The following AGPAT3 variants were observed in gnomAD, a reference collection of about 807,000 sequenced individuals.
AGPAT3 encodes 1-acylglycerol-3-phosphate O-acyltransferase 3.
In AGPAT3, 5 loss-of-function variants were observed where a neutral mutation model predicts 47.3. The ratio of observed to expected loss-of-function variants is 0.11; its 90% CI spans 0.06 to 0.22. The LOEUF (loss-of-function observed/expected upper bound fraction) is 0.22. Among genes scored for constraint, AGPAT3 ranks in the 10% least tolerant of loss-of-function variants. The pLI is 1.00. For missense variants in AGPAT3, 315 were observed against 493.0 expected (o/e 0.64, Z 3.42); for synonymous variants, 212 against 208.3 (o/e 1.02, Z -0.15).
intron 2 of AGPAT3, among the ~76,000 whole-genome samples, chr21:43,938,140 A>T (rs543216653): frequency 2.7e-5 from 4 of 150,772 alleles, no homozygotes; most frequent in Non-Finnish European, 4.4e-5. Context: ...ACACACACAC[A>T]CTCACACTCA....
rs1051612237 is a variant in AGPAT3 at position 43,985,059 on chromosome 21, C to T, written c.*2667C>T. On this transcript the variant is annotated 3_prime_UTR_variant, in exon 10 of 10. Transcript: ENST00000291572. ...AGGCGCCACACTGGAGGCTCCCAGG[C>T]GGGAGGGCCCAGGCCCACCCACGGG... is the stretch of plus-strand genomic sequence containing the variant. 1.5e-5 allele frequency: 7 copies of T among 453,128 alleles called. No individual in the cohort carries two copies. The highest frequency in any genetic ancestry group is 1.2e-4 in the Admixed American group (5 of 42,282). 28.1% of individuals were successfully genotyped at this position (453,128 alleles called of 1,614,324 possible).
At chr21:43,968,225 C>T in intron 4 of AGPAT3, 110 bp downstream of exon 4, 3 of 517,938 alleles carry the variant, frequency 5.8e-6, no homozygotes, top group Middle Eastern at 8.2e-4. Flanking sequence ...CCCTGCAGGG[C>T]TGGGGGTGGG....
Position 43,959,786 on chromosome 21 carries a change from G to T in AGPAT3, c.105G>T (p.Thr35=), listed in dbSNP as rs748676164. ...TCATCAACTTCGTCCAGCTGTGCAC[G>T]CTGGCGCTCTGGCCGGTCAGCAAGC... The part of the protein sequence containing the change: ...GLVINFVQLC[T]LALWPVSKQL... Residue 35 remains threonine (T), a synonymous_variant, in exon 3 of 10, where the codon ACG becomes ACT. Coordinates refer to ENST00000291572, the MANE Select transcript of AGPAT3 (RefSeq NM_020132.5). 2 of 1,613,512 alleles carry T rather than the reference G, an allele frequency of 1.2e-6. No homozygotes were observed. Among genetic ancestry groups the T allele is most frequent in the Admixed American group, 3.3e-5 (2 of 60,020 alleles).
At chr21:43,909,506 C>T (rs2086584077) in intron 2 of AGPAT3, among the ~76,000 whole-genome samples, 1 of 152,128 alleles carries the variant, frequency 6.6e-6, no homozygotes. Context: ...CCGTGTTAGC[C>T]AGGATGGTCT....
intron 2 of AGPAT3, among the ~76,000 whole-genome samples, chr21:43,931,389 T>C (rs2087237852): frequency 6.6e-6 from 1 of 152,214 alleles, no homozygotes; most frequent in Non-Finnish European, 1.5e-5. Flanking sequence ...ATGTTGTAGC[T>C]CTGAGGAGGC....
Position 43,954,278 on chromosome 21 carries a change from C to T in AGPAT3, c.-48-5356C>T, listed in dbSNP as rs1406675117. On this transcript the variant is annotated intron_variant, in intron 2 of 9. Transcript: ENST00000291572. The surrounding 1 kb of genome is among the most constrained non-coding windows in gnomAD (Gnocchi z 4.0). ...TGCCTGCTGCCATTGGAGGTTTGTG[C>T]AGTCAGGTTTATCAAGGAGGTCCAG... 2.0e-5 allele frequency among the ~76,000 whole-genome samples: 3 copies of T among 152,166 alleles called. No homozygotes were observed. Among genetic ancestry groups the T allele is most frequent in the Non-Finnish European group, 4.4e-5 (3 of 68,036 alleles).
intron 2 of AGPAT3, among the ~76,000 whole-genome samples, chr21:43,949,857 T>TGGGC (rs1346282228): frequency 6.6e-6 from 1 of 152,252 alleles, no homozygotes; most frequent in Non-Finnish European, 1.5e-5. Flanking sequence ...GGTGGTCTGC[T>TGGGC]GGGCCCCTCT....
chr21:43,963,513 C>G (rs1429854137), intron 3 of AGPAT3, among the ~76,000 whole-genome samples: 1 of 152,014 alleles, frequency 6.6e-6, no homozygotes, highest in East Asian at 1.9e-4. Context: ...AGTTTGAGAC[C>G]AGCCTGGCCA....
intron 1 of AGPAT3, among the ~76,000 whole-genome samples, chr21:43,873,357 A>G (rs1361278490): frequency 6.6e-6 from 1 of 152,240 alleles, no homozygotes; most frequent in African/African-American, 2.4e-5. Context: ...AAGTGTATGC[A>G]GCACCTGACT....
At chr21:43,916,809 C>G (rs988848487) in intron 2 of AGPAT3, among the ~76,000 whole-genome samples, 1 of 152,156 alleles carries the variant, frequency 6.6e-6, no homozygotes, top group Non-Finnish European at 1.5e-5. Context: ...ACAGCACAGA[C>G]GCCTGCATCT....
At chr21:43,936,244 CT>C (rs1397504074) in intron 2 of AGPAT3, among the ~76,000 whole-genome samples, 2 of 152,264 alleles carry the variant, frequency 1.3e-5, no homozygotes, top group Non-Finnish European at 2.9e-5. Flanking sequence ...GCCCCAGCCC[CT>C]TGTGCCTGAC....
chr21:43,969,027 C>T (rs1488328491), intron 4 of AGPAT3, 91 bp from the exon 5 acceptor site: 2 of 1,404,000 alleles, frequency 1.4e-6, no homozygotes, highest in Admixed American at 3.9e-5. Context: ...AGCGACACCA[C>T]ACAGGAGCTG....
At chr21:43,961,962 C>T (rs971985262) in intron 3 of AGPAT3, among the ~76,000 whole-genome samples, 2 of 151,602 alleles carry the variant, frequency 1.3e-5, no homozygotes, top group African/African-American at 4.9e-5. Flanking sequence ...ACTAGCTTGT[C>T]TTAAATGTGT....
intron 2 of AGPAT3, among the ~76,000 whole-genome samples, chr21:43,948,624 C>T (rs571387542): frequency 6.6e-5 from 10 of 152,260 alleles, no homozygotes; most frequent in South Asian, 2.1e-4. Flanking sequence ...TTCTGTTATC[C>T]GGAATTGGAG....
rs1569086940 is a variant in AGPAT3 at position 43,954,064 on chromosome 21, C to T, written c.-48-5570C>T. Among the ~76,000 whole-genome samples, 2 of 152,230 alleles carry T rather than the reference C, an allele frequency of 1.3e-5. No individual in the cohort carries two copies. The highest frequency in any genetic ancestry group is 4.1e-4 in the South Asian group (2 of 4,830). Reference sequence around the variant, plus strand: ...GTCAACTTCACATTGTCTGGGGATGCATAATTTCCTAAAAATCGCTCTCAT... The same window carrying T: ...GTCAACTTCACATTGTCTGGGGATGTATAATTTCCTAAAAATCGCTCTCAT... On this transcript the variant is annotated intron_variant, in intron 2 of 9. Coordinates refer to ENST00000291572, the MANE Select transcript of AGPAT3 (RefSeq NM_020132.5). This position sits in a 1 kb window ranked among gnomAD's most constrained non-coding sequence, Gnocchi z 4.0.
rs1179291170 is a variant in AGPAT3, at chr21:43,967,933, C to A, written c.179-13C>A. The stretch of plus-strand genomic sequence containing the variant: ...GGGTCCTACCAGTGCCAACGCCCTC[C>A]CCCTGTCCGCAGAACTGGTCATGCT... On this transcript the variant is annotated splice_polypyrimidine_tract_variant and intron_variant, in intron 3 of 9. Transcript: ENST00000291572. The A allele has an allele frequency of 6.2e-7, 1 of 1,612,234 alleles. No homozygotes were observed. The highest frequency in any genetic ancestry group is 1.7e-5 in the Admixed American group (1 of 59,950).
intron 1 of AGPAT3, among the ~76,000 whole-genome samples, chr21:43,878,125 C>T (rs373489614): frequency 6.6e-5 from 10 of 152,200 alleles, no homozygotes; most frequent in East Asian, 1.9e-4. Flanking sequence ...CCCGTGATGA[C>T]GCCTGCTGAT....
At position 43,987,286 on chromosome 21, in the gene AGPAT3, C is replaced by A. The variant is rs1254641708; in HGVS notation, c.*4894C>A. On this transcript the variant is annotated 3_prime_UTR_variant, in exon 10 of 10. Coordinates refer to ENST00000291572, the MANE Select transcript of AGPAT3 (RefSeq NM_020132.5). ...CTCTGTTTCCTTGGAGGCCATCCTG[C>A]CGATGGCACTTTTCAAGGCCCTCCC... Among the ~76,000 whole-genome samples, 1 of 152,210 alleles carries A rather than the reference C, an allele frequency of 6.6e-6. No individual in the cohort carries two copies. The highest frequency in any genetic ancestry group is 2.4e-5 in the African/African-American group (1 of 41,462).
chr21:43,865,712 G>T (rs963551265), intron 1 of AGPAT3, among the ~76,000 whole-genome samples: 4 of 151,604 alleles, frequency 2.6e-5, no homozygotes, highest in African/African-American at 9.7e-5. Flanking sequence ...GGCCGAGGGA[G>T]GGCGAGTGGG....
Sources: allele counts gnomAD v4.1 joint callset (sites outside exome capture counted in the v4.1 genomes callset), GRCh38; gene constraint gnomAD v4.1.1; non-coding constraint Gnocchi (gnomAD v3.1); transcripts MANE v1.5; gene names NCBI Gene and HGNC (gene_info 2026-07-23, HGNC 2026-07-21).